The following MRPL32 variants were observed in gnomAD, a reference collection of about 807,000 sequenced individuals.
MRPL32 encodes mitochondrial ribosomal protein L32.
A neutral mutation model predicts 21.7 loss-of-function variants in MRPL32; 14 were observed. The ratio of observed to expected loss-of-function variants is 0.64; its 90% confidence interval spans 0.43 to 1.01. The LOEUF (loss-of-function observed/expected upper bound fraction) is 1.01, where lower values mean the gene tolerates loss of function less well. Among genes scored for constraint, MRPL32 ranks in the 50% least tolerant of loss-of-function variants. The probability of loss-of-function intolerance (pLI) is 0.00; values close to 1 mark genes in which losing one functional copy is unlikely to be tolerated. For missense variants in MRPL32, 211 were observed against 235.9 expected (o/e 0.89, Z 0.69); for synonymous variants, 83 against 87.7 (o/e 0.95, Z 0.30).
chr7:42,937,476 C>G lies in MRPL32; in HGVS notation c.467C>G (p.Thr156Ser), dbSNP rs533490124. Residue 156 changes from threonine (T) to serine (S), a missense_variant, in exon 3 of 3, where the codon ACT (threonine) becomes AGT (serine). Thr to Ser is a moderately conservative substitution (Grantham distance 58, BLOSUM62 1). Coordinates refer to ENST00000223324, the MANE Select transcript of MRPL32 (RefSeq NM_031903.3). ...GGPFKAPTIE[T>S]VVLYTGETPS... ...CCTTTTAAGGCTCCCACCATAGAGACTGTGGTGCTGTACACGGGAGAGACA... is the reference window on the plus strand; with the variant it reads ...CCTTTTAAGGCTCCCACCATAGAGAGTGTGGTGCTGTACACGGGAGAGACA... The G allele has an allele frequency of 6.2e-7, 1 of 1,614,068 alleles. No individual in the cohort carries two copies. Among genetic ancestry groups the G allele is most frequent in the Admixed American group, 1.7e-5 (1 of 59,968 alleles).
chr7:42,937,192 A>T (rs1045061691), intron 2 of MRPL32, 130 bp from the exon 3 acceptor site: 1 of 1,576,212 alleles, frequency 6.3e-7, no homozygotes, highest in Non-Finnish European at 8.6e-7. Context: ...GTGGAACTAG[A>T]TGGTGTATGA....
chr7:42,932,613 C>G (rs1275814473), intron 1 of MRPL32, 97 bp downstream of exon 1: 2 of 1,344,220 alleles, frequency 1.5e-6, no homozygotes, highest in African/African-American at 3.0e-5. Context: ...AGCCCCGGTT[C>G]TGATCCGCGG....
intron 1 of MRPL32, among the ~76,000 whole-genome samples, 171 bp downstream of exon 1, chr7:42,932,687 C>A (rs1786345504): frequency 9.3e-6 from 1 of 107,970 alleles, no homozygotes; most frequent in African/African-American, 3.5e-5. Context: ...ACTGTTTTTG[C>A]GCTCCCTCCA....
At position 42,937,522 on chromosome 7, in the gene MRPL32, C is replaced by G; in HGVS notation, c.513C>G (p.Gly171=). Residue 171 remains glycine, a synonymous_variant, in exon 3 of 3, where the codon GGC becomes GGG. Transcript: ENST00000223324. ...TGETPSEQDQ[G]KRIIERDRKR... Reference sequence around the variant, plus strand: ...AGACACCGTCTGAACAAGATCAGGGCAAGAGGATCATTGAACGAGACAGAA... The same window carrying G: ...AGACACCGTCTGAACAAGATCAGGGGAAGAGGATCATTGAACGAGACAGAA... The G allele has an allele frequency of 6.2e-7, 1 of 1,613,796 alleles. No individual in the cohort carries two copies. The highest frequency in any genetic ancestry group is 8.5e-7 in the Non-Finnish European group (1 of 1,179,882).
chr7:42,933,563 G>C (rs967223370), intron 1 of MRPL32, among the ~76,000 whole-genome samples: 3 of 150,716 alleles, frequency 2.0e-5, no homozygotes, highest in Non-Finnish European at 4.4e-5. Flanking sequence ...TTTGAGCTCT[G>C]AGGAGCTGAA....
chr7:42,937,726 A>G lies in MRPL32; in HGVS notation c.*150A>G. On this transcript the variant is annotated 3_prime_UTR_variant, in exon 3 of 3. Coordinates refer to ENST00000223324, the MANE Select transcript of MRPL32 (RefSeq NM_031903.3). ...TTTTGTGTGGGATAATTTGAAGAAT[A>G]TATTATGAGTAAACTCCGAAAATTT... 1 of 830,094 alleles carries G rather than the reference A, an allele frequency of 1.2e-6. No individual in the cohort carries two copies. The highest frequency in any genetic ancestry group is 1.7e-5 in the African/African-American group (1 of 58,212). 51.4% of individuals were successfully genotyped at this position (830,094 alleles called of 1,614,324 possible). A position where few individuals can be genotyped will look rare whatever the true frequency, so the allele number is the denominator to read the frequency against.
chr7:42,935,163 C>T (rs758358998), intron 2 of MRPL32, 27 bp downstream of exon 2: 35 of 1,589,346 alleles, frequency 2.2e-5, no homozygotes, highest in Admixed American at 1.9e-4. Context: ...TGTGGGTGTG[C>T]TTTTCCTCAA....
At chr7:42,933,291 G>A (rs190008077) in intron 1 of MRPL32, among the ~76,000 whole-genome samples, 47 of 152,266 alleles carry the variant, frequency 3.1e-4, no homozygotes, top group African/African-American at 1.1e-3. Context: ...CTAGGATACA[G>A]CCTTATGCTG....
In MRPL32 at chr7:42,937,686, ATTCT is replaced by A. The variant is rs1786451788; in HGVS notation, c.*115_*118del. ...TTAAATCATCAGTATAGTTTAACACATTCTTTCTAAGCAGTTTTGTGTGGGATAA... is the reference window on the plus strand; with the variant it reads ...TTAAATCATCAGTATAGTTTAACACATTCTAAGCAGTTTTGTGTGGGATAA... On this transcript the variant is annotated 3_prime_UTR_variant, in exon 3 of 3. Coordinates refer to ENST00000223324, the MANE Select transcript of MRPL32 (RefSeq NM_031903.3). The A allele has an allele frequency of 2.6e-6, 3 of 1,165,624 alleles. No homozygotes were observed. Among genetic ancestry groups the A allele is most frequent in the Non-Finnish European group, 1.2e-6 (1 of 853,610 alleles). 72.2% of individuals were successfully genotyped at this position (1,165,624 alleles called of 1,614,324 possible).
intron 1 of MRPL32, among the ~76,000 whole-genome samples, chr7:42,934,600 T>C (rs1031914124): frequency 6.6e-6 from 1 of 152,246 alleles, no homozygotes; most frequent in African/African-American, 2.4e-5. Flanking sequence ...AGGTACTTAC[T>C]ACCCGCCAAG....
chr7:42,934,201 G>A (rs1786384239), intron 1 of MRPL32, among the ~76,000 whole-genome samples: 1 of 151,638 alleles, frequency 6.6e-6, no homozygotes, highest in Admixed American at 6.6e-5. Flanking sequence ...CAGGGAGGCG[G>A]AGGTTGCAGT....
chr7:42,936,762 A>G (rs1377556200), intron 2 of MRPL32: 4 of 165,258 alleles, frequency 2.4e-5, no homozygotes, highest in Admixed American at 1.7e-4. Flanking sequence ...AAATAATTTT[A>G]CATTAAGGAA....
rs1786401500 is a variant in MRPL32 at position 42,934,972 on chromosome 7, C to T, written c.148C>T (p.Gln50Ter). The change falls in exon 2 of 3, where the codon CAG becomes TAG. Residue 50 changes from glutamine (Q) to a stop codon, truncating the protein, a stop_gained. Coordinates refer to ENST00000223324, the MANE Select transcript of MRPL32 (RefSeq NM_031903.3). LOFTEE classifies it high-confidence loss of function. ...SPPWGPALAV[Q>*]GPAMFTEPAN... ...TTTCCTAGGACCAGCATTAGCAGTA[C>T]AGGGCCCAGCCATGTTTACAGAGCC... The T allele has an allele frequency of 1.2e-6, 2 of 1,609,918 alleles. No homozygotes were observed. The highest frequency in any genetic ancestry group is 1.3e-5 in the African/African-American group (1 of 74,746).
intron 2 of MRPL32, 136 bp downstream of exon 2, chr7:42,935,272 A>G (rs1043316196): frequency 1.4e-6 from 1 of 712,388 alleles, no homozygotes; most frequent in African/African-American, 1.8e-5. Context: ...AATGAAATAC[A>G]GTATTCTCAT....
At chr7:42,933,018 A>G (rs138414911) in intron 1 of MRPL32, among the ~76,000 whole-genome samples, 61 of 152,206 alleles carry the variant, frequency 4.0e-4, no homozygotes, top group Non-Finnish European at 7.1e-4. Flanking sequence ...GGAGAATTCT[A>G]TCCTCCCGCA....
chr7:42,937,274 C>A, intron 2 of MRPL32, 48 bp from the exon 3 acceptor site: 1 of 1,611,440 alleles, frequency 6.2e-7, no homozygotes. Context: ...GTTATTTGTT[C>A]GTTATATTGC....
At chr7:42,937,236 T>A in intron 2 of MRPL32, 86 bp from the exon 3 acceptor site, 4 of 1,610,070 alleles carry the variant, frequency 2.5e-6, no homozygotes, top group Non-Finnish European at 3.4e-6. Flanking sequence ...CTAAGAAAGT[T>A]AAAATGTAAG....
chr7:42,932,817 T>A (rs1786351210), intron 1 of MRPL32, among the ~76,000 whole-genome samples: 1 of 139,680 alleles, frequency 7.2e-6, no homozygotes, highest in Non-Finnish European at 1.6e-5. Context: ...AAAACAGATT[T>A]TATTCAGTAA....
At chr7:42,932,627 C>T in intron 1 of MRPL32, 111 bp downstream of exon 1, 3 of 1,208,214 alleles carry the variant, frequency 2.5e-6, no homozygotes, top group East Asian at 2.7e-5. Context: ...TCCGCGGCCT[C>T]ATGTCGGGGA....
Sources: allele counts gnomAD v4.1 joint callset (sites outside exome capture counted in the v4.1 genomes callset), GRCh38; gene constraint gnomAD v4.1.1; transcripts MANE v1.5; gene names NCBI Gene and HGNC (gene_info 2026-07-23, HGNC 2026-07-21).